Variants in SCN4A observed in about 807,000 individuals in gnomAD.
SCN4A encodes sodium channel protein type 4 subunit alpha.
SCN4A carries 83 observed loss-of-function variants against 162.0 expected under a neutral mutation model. That is an observed-to-expected ratio of 0.51 (90% CI 0.43 to 0.61). SCN4A has a LOEUF of 0.61. Among genes scored for constraint, SCN4A ranks in the 20% least tolerant of loss-of-function variants. The pLI is 0.00. For synonymous variants in SCN4A, 944 were observed against 985.1 expected, an observed-to-expected ratio of 0.96 and a Z score of 0.78; for missense variants, 2,196 against 2,462.5, an observed-to-expected ratio of 0.89 and a Z score of 2.29.
At chr17:63,969,178 C>T (rs989576366) in intron 5 of SCN4A, among the ~76,000 whole-genome samples, 2 of 152,218 alleles carry the variant, frequency 1.3e-5, no homozygotes, top group African/African-American at 2.4e-5. Context: ...GTATCCTTAA[C>T]ATATTTGACC....
intron 8 of SCN4A, among the ~76,000 whole-genome samples, chr17:63,965,745 C>T (rs1255467652): frequency 6.6e-6 from 1 of 152,206 alleles, no homozygotes; most frequent in Non-Finnish European, 1.5e-5. Flanking sequence ...CCTCTGCCTC[C>T]CAAAGTGCTG....
rs546434377 is a variant in SCN4A, at chr17:63,944,397, G to A, written c.3912+276C>T. On this transcript the variant is annotated intron_variant, in intron 21 of 23. Coordinates refer to ENST00000435607, the MANE Select transcript of SCN4A (RefSeq NM_000334.4). The surrounding 1 kb of genome is among the most constrained non-coding windows in gnomAD (Gnocchi z 4.3). ...TCTCGAACTCCTGACCTTGTGATCC[G>A]CCCGCCTCGGCCTCCCAAAGTGCTG... Among the ~76,000 whole-genome samples, 81 of 152,106 alleles carry A rather than the reference G, an allele frequency of 5.3e-4. No homozygotes were observed. Among genetic ancestry groups the A allele is most frequent in the Non-Finnish European group, 9.4e-4 (64 of 68,000 alleles).
rs570969522 is a variant in SCN4A at position 63,971,265 on chromosome 17, G to T, written c.612-12C>A. The stretch of plus-strand genomic sequence containing the variant: ...ACTCTGTCAGGTACCTGGGTAGGGG[G>T]TGGAGGGGGGTGGGGACTGTCAGAG... On this transcript the variant is annotated splice_polypyrimidine_tract_variant and intron_variant, in intron 4 of 23. Transcript: ENST00000435607. The T allele has an allele frequency of 2.0e-6, 3 of 1,464,784 alleles. No homozygotes were observed. Among genetic ancestry groups the T allele is most frequent in the Admixed American group, 2.0e-5 (1 of 51,042 alleles). 90.7% of individuals were successfully genotyped at this position (1,464,784 alleles called of 1,614,324 possible). A position where few individuals can be genotyped will look rare whatever the true frequency, so the allele number is the denominator to read the frequency against.
intron 9 of SCN4A, 73 bp from the exon 10 acceptor site, chr17:63,963,898 G>A (rs1909351948): frequency 1.4e-6 from 2 of 1,411,120 alleles, no homozygotes; most frequent in South Asian, 1.3e-5. Context: ...GACCCTCAGA[G>A]CTTCTTCCAG....
Position 63,959,293 on chromosome 17 carries a change from C to G in SCN4A, c.1991G>C (p.Gly664Ala). Residue 664 changes from glycine (G) to alanine (A), a missense_variant, in exon 12 of 24, where the codon GGA (glycine) becomes GCA (alanine). Transcript: ENST00000435607. ...ACGGAAGGAGCGTAGCACAGACAGTCCCTGTACGTTGGCCAGGCCTAGCTC... is the reference window on the plus strand; with the variant it reads ...ACGGAAGGAGCGTAGCACAGACAGTGCCTGTACGTTGGCCAGGCCTAGCTC... ...LVELGLANVQ[G>A]LSVLRSFRLL... 1 of 1,613,758 alleles carries G rather than the reference C, an allele frequency of 6.2e-7. No individual in the cohort carries two copies. The highest frequency in any genetic ancestry group is 2.2e-5 in the East Asian group (1 of 44,862).
In SCN4A at chr17:63,954,343, C is replaced by A. The variant is rs979956376; in HGVS notation, c.2377-2443G>T. ...TAGAGGCTTTTCTGCCTTTGCCCCC[C>A]ACCAAAACGCATTAGTCTTTCTTCT... On this transcript the variant is annotated intron_variant, in intron 13 of 23. Transcript: ENST00000435607. Among the ~76,000 whole-genome samples the A allele has an allele frequency of 3.3e-5, 5 of 152,332 alleles. 1 individual carries two copies. Among genetic ancestry groups the A allele is most frequent in the Non-Finnish European group, 2.9e-5 (2 of 68,030 alleles).
rs527931271 is a variant in SCN4A at position 63,947,784 on chromosome 17, G to T, written c.3318+106C>A. 2.9e-4 allele frequency: 315 copies of T among 1,092,184 alleles called. 1 individual carries two copies. Among genetic ancestry groups the T allele is most frequent in the Middle Eastern group, 1.8e-3 (6 of 3,352 alleles). 67.7% of individuals were successfully genotyped at this position (1,092,184 alleles called of 1,614,324 possible). ...GCACTGATTGAGGGTCTGACTCTGG[G>T]GGTGGCCTCGGGCAGGTCCTGCCCT... is the stretch of plus-strand genomic sequence containing the variant. On this transcript the variant is annotated intron_variant, in intron 17 of 23. Coordinates refer to ENST00000435607, the MANE Select transcript of SCN4A (RefSeq NM_000334.4).
intron 10 of SCN4A, 197 bp from the exon 11 acceptor site, chr17:63,961,628 C>A: frequency 3.9e-6 from 2 of 512,544 alleles, no homozygotes; most frequent in Non-Finnish European, 7.1e-6. Context: ...CTCCGCCCCA[C>A]ATGGCTTCAC....
At chr17:63,948,175 A>G in intron 16 of SCN4A, 112 bp from the exon 17 acceptor site, 4 of 790,688 alleles carry the variant, frequency 5.1e-6, no homozygotes, top group Non-Finnish European at 7.7e-6. Flanking sequence ...GTGGGGGCCC[A>G]GCCCAAGGGA....
In SCN4A at chr17:63,948,069, G is replaced by A. The variant is rs1567819204; in HGVS notation, c.3145-6C>T. Reference sequence around the variant, plus strand: ...ATGTAGATGTCCTCGAAGGCCTGGGGGCACCAGCACCACCAGGGTGGCTGG... The same window carrying A: ...ATGTAGATGTCCTCGAAGGCCTGGGAGCACCAGCACCACCAGGGTGGCTGG... On this transcript the variant is annotated splice_region_variant and splice_polypyrimidine_tract_variant and intron_variant, in intron 16 of 23. Coordinates refer to ENST00000435607, the MANE Select transcript of SCN4A (RefSeq NM_000334.4). 1 of 1,592,470 alleles carries A rather than the reference G, an allele frequency of 6.3e-7. No individual in the cohort carries two copies. Among genetic ancestry groups the A allele is most frequent in the Middle Eastern group, 1.7e-4 (1 of 5,956 alleles).
At chr17:63,956,512 C>T (rs1909075787) in intron 13 of SCN4A, among the ~76,000 whole-genome samples, 2 of 152,230 alleles carry the variant, frequency 1.3e-5, no homozygotes, top group African/African-American at 4.8e-5. Context: ...GGACTATGGG[C>T]ATGAGCCACC....
At chr17:63,954,845 TGA>T (rs750994322) in intron 13 of SCN4A, among the ~76,000 whole-genome samples, 31 of 152,028 alleles carry the variant, frequency 2.0e-4, no homozygotes, top group Non-Finnish European at 4.4e-4. Flanking sequence ...GTGATAGGGG[TGA>T]CAGGCACACA....
intron 13 of SCN4A, 55 bp downstream of exon 13, chr17:63,957,106 TA>T: frequency 2.5e-6 from 3 of 1,197,588 alleles, no homozygotes; most frequent in Non-Finnish European, 3.6e-6. Flanking sequence ...AAATATCAGG[TA>T]CATCTTGTAC....
chr17:63,945,248 A>T lies in SCN4A; in HGVS notation c.3720+112T>A. The stretch of plus-strand genomic sequence containing the variant: ...CTGGGGATCCCACAGCATTGGAAGC[A>T]GGGTGGGCGGTCCCCTAACCAGGAG... On this transcript the variant is annotated intron_variant, in intron 19 of 23. Transcript: ENST00000435607. The surrounding 1 kb of genome is among the most constrained non-coding windows in gnomAD (Gnocchi z 4.4). 9.6e-7 allele frequency: 1 copy of T among 1,045,576 alleles called. No individual in the cohort carries two copies. Among genetic ancestry groups the T allele is most frequent in the South Asian group, 1.5e-5 (1 of 67,580 alleles). 64.8% of individuals were successfully genotyped at this position (1,045,576 alleles called of 1,614,324 possible).
chr17:63,967,293 C>T (rs1158640806), intron 6 of SCN4A, among the ~76,000 whole-genome samples: 1 of 152,032 alleles, frequency 6.6e-6, no homozygotes, highest in African/African-American at 2.4e-5. Flanking sequence ...GCTGGGATTA[C>T]AGGCATGCGT....
At chr17:63,943,497 G>A (rs753326738) in intron 22 of SCN4A, among the ~76,000 whole-genome samples, 3 of 152,058 alleles carry the variant, frequency 2.0e-5, no homozygotes, top group Non-Finnish European at 4.4e-5. Flanking sequence ...GAGGAGCTTC[G>A]TGGGACCAAG....
chr17:63,948,815 GT>G, intron 15 of SCN4A, 50 bp from the exon 16 acceptor site: 2 of 1,532,792 alleles, frequency 1.3e-6, no homozygotes, highest in Non-Finnish European at 1.8e-6. Flanking sequence ...TGGGCCTGGG[GT>G]TGCCTTGGGG....
At chr17:63,947,413 C>T (rs915845521) in intron 17 of SCN4A, among the ~76,000 whole-genome samples, 3 of 136,686 alleles carry the variant, frequency 2.2e-5, no homozygotes, top group African/African-American at 7.8e-5. Flanking sequence ...GGATGGTACC[C>T]GACTCCTTCG....
rs756031938 is a variant in SCN4A at position 63,944,814 on chromosome 17, T to A, written c.3775-4A>T. On this transcript the variant is annotated splice_region_variant and splice_polypyrimidine_tract_variant and intron_variant, in intron 20 of 23. Transcript: ENST00000435607. This position sits in a 1 kb window ranked among gnomAD's most constrained non-coding sequence, Gnocchi z 4.3. ...CGTACTGCGGCTGCTCCTCCTTCTG[T>A]GGGAGCCACAGGGTGGGACGGCGTG... 6.2e-7 allele frequency: 1 copy of A among 1,613,282 alleles called. No homozygotes were observed. The highest frequency in any genetic ancestry group is 8.5e-7 in the Non-Finnish European group (1 of 1,179,604).
Sources: gnomAD v4.1 joint callset for allele counts (sites outside exome capture counted in the v4.1 genomes callset) on GRCh38, gnomAD v4.1.1 for gene constraint, Gnocchi (gnomAD v3.1) non-coding constraint, MANE v1.5 for transcripts, NCBI Gene and HGNC (gene_info 2026-07-23, HGNC 2026-07-21) for gene names.